RPH3AL: variants seen among roughly 807,000 people sequenced by gnomAD.
RPH3AL encodes rabphilin 3A like (without C2 domains).
In RPH3AL, 38 loss-of-function variants were observed where a neutral mutation model predicts 43.1. The ratio of observed to expected loss-of-function variants is 0.88; its 90% CI spans 0.68 to 1.15. The LOEUF is 1.15. Among genes scored for constraint, RPH3AL ranks in the 50% most tolerant of loss-of-function variants. The probability of loss-of-function intolerance (pLI) is 0.00; values close to 1 mark genes in which losing one functional copy is unlikely to be tolerated. For missense variants in RPH3AL, 462 were observed against 423.2 expected (o/e 1.09, Z -0.81); for synonymous variants, 189 against 176.3 (o/e 1.07, Z -0.57).
At chr17:315,054 C>A (rs376938153) in intron 5 of RPH3AL, among the ~76,000 whole-genome samples, 1 of 78,464 alleles carries the variant, frequency 1.3e-5, no homozygotes, top group Non-Finnish European at 2.7e-5. Context: ...TCCACCTCCA[C>A]TGAACTGTAG....
intron 7 of RPH3AL, among the ~76,000 whole-genome samples, chr17:243,508 A>G (rs2041641888): frequency 7.3e-6 from 1 of 136,376 alleles, no homozygotes; most frequent in Non-Finnish European, 1.5e-5. Context: ...TCTATTGATT[A>G]CCTTCCTCTA....
At chr17:311,522 G>A (rs73284669) in intron 5 of RPH3AL, among the ~76,000 whole-genome samples, 4 of 152,092 alleles carry the variant, frequency 2.6e-5, no homozygotes, top group Non-Finnish European at 4.4e-5. Context: ...CACAGTGCAC[G>A]TCACACTAGA....
chr17:315,555 G>A (rs1555520084), intron 5 of RPH3AL, among the ~76,000 whole-genome samples: 136 of 46,496 alleles, frequency 2.9e-3, no homozygotes, highest in African/African-American at 4.0e-3. Context: ...TTGACCTGTA[G>A]TCCCTGTGCC....
chr17:336,647 C>A (rs931694002), intron 1 of RPH3AL, among the ~76,000 whole-genome samples: 2 of 152,212 alleles, frequency 1.3e-5, no homozygotes, highest in African/African-American at 4.8e-5. Context: ...CCAGGTCAGG[C>A]CGTGTGATTC....
At chr17:339,495 G>T (rs2045055708) in intron 1 of RPH3AL, 1 of 152,488 alleles carries the variant, frequency 6.6e-6, no homozygotes, top group Non-Finnish European at 1.5e-5. Flanking sequence ...CCGCCTCCAT[G>T]GGTGCTGCCC....
chr17:294,878 C>A (rs879082291), intron 5 of RPH3AL, among the ~76,000 whole-genome samples: 1 of 33,126 alleles, frequency 3.0e-5, no homozygotes, highest in Non-Finnish European at 5.8e-5. Flanking sequence ...AGAGATGCTG[C>A]AGAAATGGAC....
intron 6 of RPH3AL, among the ~76,000 whole-genome samples, chr17:271,753 C>A (rs572114180): frequency 3.9e-5 from 6 of 152,110 alleles, no homozygotes; most frequent in African/African-American, 7.2e-5. Context: ...AATTGAATAC[C>A]CTTTATTTCT....
intron 5 of RPH3AL, among the ~76,000 whole-genome samples, chr17:310,498 G>A (rs552151103): frequency 6.6e-6 from 1 of 152,236 alleles, no homozygotes; most frequent in Non-Finnish European, 1.5e-5. Context: ...GCCTGCCCAA[G>A]CCCACACACC....
chr17:222,071 A>G (rs36058571), intron 7 of RPH3AL, among the ~76,000 whole-genome samples: 3 of 112,204 alleles, frequency 2.7e-5, no homozygotes, highest in Non-Finnish European at 6.3e-5. Context: ...TAGGCCCAAG[A>G]ACAACAGCTC....
chr17:329,570 A>G (rs1017704234), intron 2 of RPH3AL, among the ~76,000 whole-genome samples: 4 of 152,260 alleles, frequency 2.6e-5, no homozygotes, highest in African/African-American at 9.6e-5. Flanking sequence ...AAAACTGAGA[A>G]AATCTTTAAA....
At chr17:257,711 A>G (rs1597953706) in intron 6 of RPH3AL, among the ~76,000 whole-genome samples, 3 of 51,484 alleles carry the variant, frequency 5.8e-5, no homozygotes, top group African/African-American at 2.7e-4. Flanking sequence ...TACCCTACGT[A>G]CTTCCTATGA....
At chr17:222,322 G>T (rs2041011997) in intron 7 of RPH3AL, among the ~76,000 whole-genome samples, 1 of 152,252 alleles carries the variant, frequency 6.6e-6, no homozygotes. Flanking sequence ...CTGGCTCCGT[G>T]GCTCCTGCTC....
intron 6 of RPH3AL, among the ~76,000 whole-genome samples, chr17:270,709 C>T (rs988140110): frequency 2.6e-5 from 4 of 151,964 alleles, no homozygotes; most frequent in Admixed American, 1.3e-4. Context: ...AAAAAAATTT[C>T]TCCCATTCTG....
chr17:286,965 A>ACCCTCTCTCTCCACCATCAGACCTCGCC (rs2042933003), intron 5 of RPH3AL, among the ~76,000 whole-genome samples: 2 of 51,774 alleles, frequency 3.9e-5, no homozygotes, highest in Non-Finnish European at 4.0e-5. Flanking sequence ...CAGACCTCGC[A>ACCCTCTCTCTCCACCATCAGACCTCGCC]CCCTCTCTCC....
intron 6 of RPH3AL, among the ~76,000 whole-genome samples, chr17:259,137 A>G (rs1352181603): frequency 1.3e-5 from 2 of 152,102 alleles, no homozygotes; most frequent in Non-Finnish European, 2.9e-5. Context: ...CTGTCACTGT[A>G]GTCCAGGTGG....
At chr17:260,604 C>T (rs1320076634) in intron 6 of RPH3AL, among the ~76,000 whole-genome samples, 4 of 152,142 alleles carry the variant, frequency 2.6e-5, no homozygotes, top group Admixed American at 1.3e-4. Flanking sequence ...TGTGACTGAG[C>T]GGTCTTCTCA....
rs76527190 is a variant in RPH3AL, at chr17:333,934, T to C, written c.-212A>G. ...ATGGTTTCAATAAGGCAGACGATCC[T>C]CTATTCGCAAAAAAATAAATAAATA... On this transcript the variant is annotated splice_region_variant and 5_prime_UTR_variant, in exon 2 of 10. Coordinates refer to ENST00000331302, the MANE Select transcript of RPH3AL (RefSeq NM_006987.4). This position sits in a 1 kb window ranked among gnomAD's most constrained non-coding sequence, Gnocchi z 4.5. 0.051 allele frequency: 7,704 copies of C among 152,434 alleles called. 301 individuals are homozygous for C. Among genetic ancestry groups the C allele is most frequent in the East Asian group, 0.13 (656 of 5,174 alleles). 9.4% of individuals were successfully genotyped at this position (152,434 alleles called of 1,614,324 possible).
intron 9 of RPH3AL, among the ~76,000 whole-genome samples, chr17:214,290 C>G (rs8077096): frequency 0.72 from 109,019 of 152,054 alleles, 39,223 homozygotes; most frequent in South Asian, 0.8. Context: ...CACAGCTTCC[C>G]CCTTTATCAC....
rs774389898 is a variant in RPH3AL at position 322,224 on chromosome 17, G to C, written c.78-809C>G. Reference sequence around the variant, plus strand: ...CGCCTCCTGAGGCTGCAAATGGGGCGGGGGAAGGACTCAAACTCCTTCTAT... The same window carrying C: ...CGCCTCCTGAGGCTGCAAATGGGGCCGGGGAAGGACTCAAACTCCTTCTAT... On this transcript the variant is annotated intron_variant, in intron 3 of 9. Transcript: ENST00000331302. This position sits in a 1 kb window ranked among gnomAD's most constrained non-coding sequence, Gnocchi z 4.0. 1 of 152,254 alleles carries C rather than the reference G, an allele frequency of 6.6e-6. No individual in the cohort carries two copies. The highest frequency in any genetic ancestry group is 1.5e-5 in the Non-Finnish European group (1 of 68,118). The allele number at this position is 152,254 out of a possible 1,614,324, so 9.4% of individuals were successfully genotyped here. A position where few individuals can be genotyped will look rare whatever the true frequency, so the allele number is the denominator to read the frequency against.
Sources: allele counts gnomAD v4.1 joint callset (sites outside exome capture counted in the v4.1 genomes callset), GRCh38; gene constraint gnomAD v4.1.1; non-coding constraint Gnocchi (gnomAD v3.1); transcripts MANE v1.5; gene names NCBI Gene and HGNC (gene_info 2026-07-23, HGNC 2026-07-21).